CCDC60: variants seen among roughly 807,000 people sequenced by gnomAD.
CCDC60 encodes the protein coiled-coil domain containing 60, also known as coiled-coil domain-containing protein 60.
Under a neutral mutation model 63.5 loss-of-function variants are expected in CCDC60, and 54 were observed. That is an observed-to-expected ratio of 0.85 (90% CI 0.68 to 1.07). The LOEUF (loss-of-function observed/expected upper bound fraction) is 1.07, where lower values mean the gene tolerates loss of function less well. Among genes scored for constraint, CCDC60 ranks in the 50% least tolerant of loss-of-function variants. CCDC60 has a pLI of 0.00. For missense variants in CCDC60, 651 were observed against 684.3 expected (o/e 0.95, Z 0.54); for synonymous variants, 206 against 238.8 (o/e 0.86, Z 1.27).
At chr12:119,527,906 C>T (rs1952734813) in intron 11 of CCDC60, among the ~76,000 whole-genome samples, 1 of 151,590 alleles carries the variant, frequency 6.6e-6, no homozygotes, top group Non-Finnish European at 1.5e-5. Context: ...TGGTGTCGAT[C>T]TCCTGACCTC....
Position 119,505,173 on chromosome 12 carries a change from G to A in CCDC60, c.753G>A (p.Gln251=), listed in dbSNP as rs200941583. 1 of 1,614,126 alleles carries A rather than the reference G, an allele frequency of 6.2e-7. No individual in the cohort carries two copies. The highest frequency in any genetic ancestry group is 1.3e-5 in the African/African-American group (1 of 75,038). The change falls in exon 7 of 14, where the codon CAG becomes CAA. Residue 251 remains glutamine, a synonymous_variant. Coordinates refer to ENST00000327554, the MANE Select transcript of CCDC60 (RefSeq NM_178499.5). ...LSRASGGSSP[Q]SSMISVNPGS... is the part of the protein sequence containing the mutation. ...GGGCCAGTGGGGGGTCCTCTCCCCA[G>A]AGCAGCATGATCTCTGTGAACCCTG...
chr12:119,367,284 A>G (rs918569614), intron 1 of CCDC60, among the ~76,000 whole-genome samples: 3 of 152,176 alleles, frequency 2.0e-5, no homozygotes, highest in Non-Finnish European at 4.4e-5. Flanking sequence ...GATTAAGAGG[A>G]CTTGTGCAAG....
intron 1 of CCDC60, among the ~76,000 whole-genome samples, chr12:119,377,324 G>T (rs12306535): frequency 0.074 from 11,111 of 149,966 alleles, 480 homozygotes; most frequent in Middle Eastern, 0.13. Flanking sequence ...CTCAAGAGAC[G>T]GAGAAGTAAA....
rs769803789 is a variant in CCDC60, at chr12:119,381,531, C to T, written c.90+46265C>T. ...CTCCCTATCTTTGTCCTTTGGAAAA[C>T]CAGATCCTCAGTGTGATATCCTGAT... On this transcript the variant is annotated intron_variant, in intron 1 of 13. Coordinates refer to ENST00000327554, the MANE Select transcript of CCDC60 (RefSeq NM_178499.5). Among the ~76,000 whole-genome samples the T allele has an allele frequency of 2.1e-4, 32 of 152,190 alleles. 1 individual carries two copies. The highest frequency in any genetic ancestry group is 4.4e-4 in the Non-Finnish European group (30 of 68,040).
At chr12:119,502,250 C>CA (rs1262525796) in intron 6 of CCDC60, among the ~76,000 whole-genome samples, 1 of 152,092 alleles carries the variant, frequency 6.6e-6, no homozygotes, top group African/African-American at 2.4e-5. Flanking sequence ...TCAAAAGAAA[C>CA]AAAAAACTTA....
chr12:119,406,969 G>A (rs1956504324), intron 1 of CCDC60, among the ~76,000 whole-genome samples: 1 of 152,180 alleles, frequency 6.6e-6, no homozygotes, highest in African/African-American at 2.4e-5. Context: ...TAACACGCTG[G>A]CTGGAAATAC....
At chr12:119,418,102 C>G (rs962768089) in intron 1 of CCDC60, among the ~76,000 whole-genome samples, 5 of 142,638 alleles carry the variant, frequency 3.5e-5, no homozygotes, top group African/African-American at 1.4e-4. Context: ...ACAATGTTAT[C>G]TTTTTGTCAT....
chr12:119,353,180 T>C (rs931843586), intron 1 of CCDC60, among the ~76,000 whole-genome samples: 1 of 151,616 alleles, frequency 6.6e-6, no homozygotes, highest in African/African-American at 2.4e-5. Flanking sequence ...AAGAACATGG[T>C]CCTCCTGCAA....
rs548884153 is a variant in CCDC60, at chr12:119,410,772, T to A, written c.91-17911T>A. 3.9e-5 allele frequency among the ~76,000 whole-genome samples: 6 copies of A among 152,212 alleles called. No individual in the cohort carries two copies. Among genetic ancestry groups the A allele is most frequent in the African/African-American group, 1.4e-4 (6 of 41,484 alleles). ...TAACAATTTTTTTTGAGACAGAGTC[T>A]CGCTCTGTCACTCGGGCTGCAGTGC... On this transcript the variant is annotated intron_variant, in intron 1 of 13. Transcript: ENST00000327554. This position sits in a 1 kb window ranked among gnomAD's most constrained non-coding sequence, Gnocchi z 4.0.
At chr12:119,514,247 G>C (rs1654536466) in intron 7 of CCDC60, among the ~76,000 whole-genome samples, 1 of 151,868 alleles carries the variant, frequency 6.6e-6, no homozygotes, top group African/African-American at 2.4e-5. Flanking sequence ...CGCAGTCTCG[G>C]TTTACTGCAA....
rs1555230529 is a variant in CCDC60, at chr12:119,346,832, C to CTTTCTTTCTTTCTTTCT, written c.90+11569_90+11570insCTTTCTTTCTTTCTTTT. On this transcript the variant is annotated intron_variant, in intron 1 of 13. Coordinates refer to ENST00000327554, the MANE Select transcript of CCDC60 (RefSeq NM_178499.5). Reference sequence around the variant, plus strand: ...TCTTTCTTTCTTTCTTTCTTTCTTTCTTTTTTTTTTGAGACAGAGTCTTGC... The same window carrying CTTTCTTTCTTTCTTTCT: ...TCTTTCTTTCTTTCTTTCTTTCTTTCTTTCTTTCTTTCTTTCTTTTTTTTTTTGAGACAGAGTCTTGC... 5.2e-3 allele frequency among the ~76,000 whole-genome samples: 471 copies of CTTTCTTTCTTTCTTTCT among 90,978 alleles called. 3 individuals are homozygous for CTTTCTTTCTTTCTTTCT. Among genetic ancestry groups the CTTTCTTTCTTTCTTTCT allele is most frequent in the Middle Eastern group, 0.019 (3 of 154 alleles). The allele number at this position is 90,978 out of a possible 152,430, so 59.7% of individuals were successfully genotyped here. A position where few individuals can be genotyped will look rare whatever the true frequency, so the allele number is the denominator to read the frequency against.
intron 1 of CCDC60, among the ~76,000 whole-genome samples, chr12:119,347,272 C>T (rs866632604): frequency 4.6e-5 from 7 of 152,254 alleles, no homozygotes; most frequent in South Asian, 2.1e-4. Context: ...ACAGGCCCAA[C>T]TAATGAGAGA....
chr12:119,480,782 CCAT>C (rs1422454122), intron 4 of CCDC60, among the ~76,000 whole-genome samples: 41 of 139,834 alleles, frequency 2.9e-4, no homozygotes, highest in Middle Eastern at 4.1e-3. Context: ...ATCATCATCA[CCAT>C]CATCATCACC....
chr12:119,500,238 A>G, intron 6 of CCDC60, 70 bp downstream of exon 6: 1 of 1,068,464 alleles, frequency 9.4e-7, no homozygotes, highest in Non-Finnish European at 1.4e-6. Flanking sequence ...TATTTTTGCC[A>G]GTCTTTTCTC....
chr12:119,411,174 G>T (rs1956592808), intron 1 of CCDC60, among the ~76,000 whole-genome samples: 1 of 152,186 alleles, frequency 6.6e-6, no homozygotes, highest in Non-Finnish European at 1.5e-5. Context: ...TGGACAAAAA[G>T]GGGTGTTATC....
intron 1 of CCDC60, among the ~76,000 whole-genome samples, chr12:119,397,023 T>C (rs1310541997): frequency 6.6e-6 from 1 of 152,212 alleles, no homozygotes; most frequent in Non-Finnish European, 1.5e-5. Flanking sequence ...GGAGTGAAGC[T>C]GCAGACCTTC....
At chr12:119,517,149 G>A (rs957560714) in intron 8 of CCDC60, among the ~76,000 whole-genome samples, 1 of 151,988 alleles carries the variant, frequency 6.6e-6, no homozygotes, top group South Asian at 2.1e-4. Context: ...CACCACATCT[G>A]GCTAATTTTT....
Position 119,335,226 on chromosome 12 carries a change from G to T in CCDC60, c.50G>T (p.Gly17Val). 1 of 1,605,768 alleles carries T rather than the reference G, an allele frequency of 6.2e-7. No individual in the cohort carries two copies. Among genetic ancestry groups the T allele is most frequent in the Non-Finnish European group, 8.5e-7 (1 of 1,176,556 alleles). The change falls in exon 1 of 14, where the codon GGG becomes GTG. Residue 17 changes from glycine to valine, a missense_variant. By Grantham distance (109) the Gly-to-Val change is moderately radical. Transcript: ENST00000327554. ...AAGCTTCAGAGTTCCCCCAACTCGG[G>T]GGCTGTCCGGCCCTTTTATGCCTCG... ...TKKLQSSPNS[G>V]AVRPFYASEN... is the part of the protein sequence containing the mutation.
intron 1 of CCDC60, among the ~76,000 whole-genome samples, chr12:119,368,225 G>A (rs1211245238): frequency 7.8e-6 from 1 of 128,860 alleles, no homozygotes; most frequent in African/African-American, 3.0e-5. Context: ...GGAGGAAGAG[G>A]AGGAGGAGGA....
Sources: gnomAD v4.1 joint callset for allele counts (sites outside exome capture counted in the v4.1 genomes callset) on GRCh38, gnomAD v4.1.1 for gene constraint, Gnocchi (gnomAD v3.1) non-coding constraint, MANE v1.5 for transcripts, NCBI Gene and HGNC (gene_info 2026-07-23, HGNC 2026-07-21) for gene names.